Variants in THSD7A observed in about 807,000 individuals in gnomAD.
THSD7A encodes the protein thrombospondin type 1 domain containing 7A.
A neutral mutation model predicts 231.3 loss-of-function variants in THSD7A; 96 were observed. That is an observed-to-expected ratio of 0.41 (90% confidence interval 0.35 to 0.49). The LOEUF is 0.49. Ranked by LOEUF, THSD7A falls within the 20% of genes least tolerant of loss-of-function variation. The pLI is 0.05. For synonymous variants in THSD7A, 940 were observed against 743.3 expected (o/e 1.26, Z -4.30); for missense variants, 2,290 against 2,070.2 (o/e 1.11, Z -2.06).
intron 2 of THSD7A, among the ~76,000 whole-genome samples, chr7:11,606,407 C>T (rs1475387546): frequency 6.6e-6 from 1 of 152,070 alleles, no homozygotes; most frequent in African/African-American, 2.4e-5. Context: ...ATGAGCGCAA[C>T]CTATGAATGG....
intron 17 of THSD7A, among the ~76,000 whole-genome samples, chr7:11,415,522 G>C (rs558262046): frequency 6.6e-6 from 1 of 152,186 alleles, no homozygotes; most frequent in South Asian, 2.1e-4. Flanking sequence ...AACAAGAGGA[G>C]ATCAGTCATT....
intron 19 of THSD7A, among the ~76,000 whole-genome samples, chr7:11,408,081 ATGT>A (rs1783648335): frequency 1.3e-5 from 2 of 152,164 alleles, no homozygotes; most frequent in South Asian, 4.1e-4. Context: ...TCAGATAATA[ATGT>A]TGTGCCATTT....
chr7:11,788,080 C>G (rs1181816057), intron 1 of THSD7A, among the ~76,000 whole-genome samples: 1 of 152,000 alleles, frequency 6.6e-6, no homozygotes, highest in Non-Finnish European at 1.5e-5. Flanking sequence ...CCTTCTTCCT[C>G]TTAATGACAC....
At chr7:11,661,750 A>G (rs1313728776) in intron 1 of THSD7A, among the ~76,000 whole-genome samples, 1 of 151,336 alleles carries the variant, frequency 6.6e-6, no homozygotes, top group Admixed American at 6.6e-5. Flanking sequence ...TCAGAAAGAA[A>G]TAAAAACTGA....
intron 6 of THSD7A, among the ~76,000 whole-genome samples, chr7:11,486,146 A>G (rs1327889656): frequency 1.6e-4 from 25 of 152,200 alleles, no homozygotes. Context: ...TATCTTACTT[A>G]TAAGGTTAAT....
chr7:11,428,018 C>T (rs1784374207), intron 14 of THSD7A, among the ~76,000 whole-genome samples: 1 of 152,106 alleles, frequency 6.6e-6, no homozygotes, highest in Non-Finnish European at 1.5e-5. Context: ...AAGGTTCTTT[C>T]TGTTTTCTCT....
At chr7:11,494,685 A>C (rs1457248295) in intron 6 of THSD7A, among the ~76,000 whole-genome samples, 1 of 151,992 alleles carries the variant, frequency 6.6e-6, no homozygotes, top group Non-Finnish European at 1.5e-5. Flanking sequence ...CCTTGCCCGA[A>C]GTTACCAGCT....
chr7:11,685,606 A>G (rs1347023612), intron 1 of THSD7A, among the ~76,000 whole-genome samples: 1 of 152,010 alleles, frequency 6.6e-6, no homozygotes, highest in Admixed American at 6.6e-5. Flanking sequence ...AGCAGCCAAC[A>G]AACATATGAA....
intron 11 of THSD7A, among the ~76,000 whole-genome samples, chr7:11,459,247 G>A (rs1785413467): frequency 6.6e-6 from 1 of 152,024 alleles, no homozygotes; most frequent in Non-Finnish European, 1.5e-5. Flanking sequence ...GAAGGGATGA[G>A]TAAGACACAC....
intron 1 of THSD7A, among the ~76,000 whole-genome samples, chr7:11,754,952 T>G (rs1302178255): frequency 1.1e-4 from 17 of 151,884 alleles, no homozygotes; most frequent in Non-Finnish European, 1.3e-4. Context: ...TTATGTTGAG[T>G]AAAAAAAAGT....
At chr7:11,772,607 C>T (rs1783270117) in intron 1 of THSD7A, among the ~76,000 whole-genome samples, 1 of 152,102 alleles carries the variant, frequency 6.6e-6, no homozygotes, top group Non-Finnish European at 1.5e-5. Context: ...GCAATTAATG[C>T]AGAAATGGAA....
chr7:11,564,514 T>G (rs1790220917), intron 4 of THSD7A, among the ~76,000 whole-genome samples: 2 of 152,178 alleles, frequency 1.3e-5, no homozygotes, highest in Non-Finnish European at 2.9e-5. Context: ...CCTTCCTAAT[T>G]CTCTTACAAA....
intron 11 of THSD7A, among the ~76,000 whole-genome samples, chr7:11,456,421 T>C (rs992475382): frequency 7.2e-5 from 11 of 152,112 alleles, no homozygotes; most frequent in Non-Finnish European, 1.5e-4. Flanking sequence ...GCAGATATTT[T>C]ACTATTGTCC....
chr7:11,560,026 C>G lies in THSD7A; in HGVS notation c.1454-16909G>C, dbSNP rs553392370. ...TATAATAGCAAGTATCTAGAAACAA[C>G]TCATGTCCAATTAAAAGAGAAGAGG... On this transcript the variant is annotated intron_variant, in intron 4 of 27. Coordinates refer to ENST00000423059, the MANE Select transcript of THSD7A (RefSeq NM_015204.3). Among the ~76,000 whole-genome samples, 32 of 152,112 alleles carry G rather than the reference C, an allele frequency of 2.1e-4. No homozygotes were observed. In the South Asian group the frequency reaches 4.4e-3, roughly 21 times the overall value.
At chr7:11,813,677 C>T (rs1196969655) in intron 1 of THSD7A, among the ~76,000 whole-genome samples, 1 of 151,582 alleles carries the variant, frequency 6.6e-6, no homozygotes, top group Non-Finnish European at 1.5e-5. Flanking sequence ...AGCACCACCG[C>T]ACTCTAGCCT....
At chr7:11,748,414 C>A (rs1782384667) in intron 1 of THSD7A, among the ~76,000 whole-genome samples, 1 of 151,882 alleles carries the variant, frequency 6.6e-6, no homozygotes, top group South Asian at 2.1e-4. Context: ...AAAGTTTGTT[C>A]TTGAAAACTC....
At chr7:11,760,865 C>T (rs7796277) in intron 1 of THSD7A, among the ~76,000 whole-genome samples, 17 of 150,834 alleles carry the variant, frequency 1.1e-4, no homozygotes, top group African/African-American at 4.1e-4. Flanking sequence ...TTTAAAAATC[C>T]ATTATCATAC....
At chr7:11,642,784 A>C (rs1782132031) in intron 1 of THSD7A, among the ~76,000 whole-genome samples, 1 of 152,158 alleles carries the variant, frequency 6.6e-6, no homozygotes, top group Non-Finnish European at 1.5e-5. Flanking sequence ...AATGTTGATA[A>C]AATAATGAAT....
At chr7:11,720,190 A>G (rs200920172) in intron 1 of THSD7A, among the ~76,000 whole-genome samples, 1 of 151,772 alleles carries the variant, frequency 6.6e-6, no homozygotes. Flanking sequence ...CTCAGCTCAC[A>G]CAGCCATTCT....
Sources: allele counts gnomAD v4.1 joint callset (sites outside exome capture counted in the v4.1 genomes callset), GRCh38; gene constraint gnomAD v4.1.1; transcripts MANE v1.5; gene names NCBI Gene and HGNC (gene_info 2026-07-23, HGNC 2026-07-21).